Variants in DAB2IP observed in about 807,000 individuals in gnomAD.
The protein encoded by DAB2IP is DAB2 interacting protein, also known as disabled homolog 2-interacting protein.
In DAB2IP, 28 loss-of-function variants were observed where a neutral mutation model predicts 107.2. That is an observed-to-expected ratio of 0.26 (90% CI 0.19 to 0.36). The LOEUF (loss-of-function observed/expected upper bound fraction) is 0.36. Among genes scored for constraint, DAB2IP ranks in the 10% least tolerant of loss-of-function variants. The pLI, the probability that DAB2IP is intolerant of heterozygous loss-of-function variation, is 1.00. For synonymous variants in DAB2IP, 755 were observed against 706.4 expected (o/e 1.07, Z -1.09); for missense variants, 1,400 against 1,644.7 (o/e 0.85, Z 2.57).
chr9:121,768,348 C>CCTGCCATAGT, intron 9 of DAB2IP, 84 bp from the exon 10 acceptor site: 1 of 1,413,982 alleles, frequency 7.1e-7, no homozygotes, highest in Non-Finnish European at 1.0e-6. Flanking sequence ...GTGGGGAAAG[C>CCTGCCATAGT]GGGTGGTGGT....
chr9:121,759,573 G>A (rs1833737540), intron 5 of DAB2IP, among the ~76,000 whole-genome samples: 1 of 152,246 alleles, frequency 6.6e-6, no homozygotes, highest in African/African-American at 2.4e-5. Context: ...GACGTGTCAG[G>A]CGTTGTGCTG....
chr9:121,743,989 A>C (rs1192628582), intron 3 of DAB2IP, among the ~76,000 whole-genome samples: 1 of 152,234 alleles, frequency 6.6e-6, no homozygotes, highest in Non-Finnish European at 1.5e-5. Context: ...TTTTAAAATA[A>C]GAGGAAGCCC....
chr9:121,623,490 C>T (rs554196558), intron 1 of DAB2IP, among the ~76,000 whole-genome samples: 1 of 152,218 alleles, frequency 6.6e-6, no homozygotes, highest in South Asian at 2.1e-4. Context: ...CCTCAGCCTC[C>T]AGAGTAGCTG....
At chr9:121,705,269 G>A (rs994828556) in intron 3 of DAB2IP, among the ~76,000 whole-genome samples, 5 of 152,164 alleles carry the variant, frequency 3.3e-5, no homozygotes, top group Non-Finnish European at 7.4e-5. Context: ...TGTATGTGTT[G>A]CAAGTGTGCA....
rs180814759 is a variant in DAB2IP at position 121,696,590 on chromosome 9, G to A, written c.229-2735G>A. Among the ~76,000 whole-genome samples, 27 of 152,266 alleles carry A rather than the reference G, an allele frequency of 1.8e-4. 1 individual carries two copies. In the East Asian group the frequency reaches 4.2e-3, roughly 24 times the overall value. ...TGGCCCTCCACCCCCATGAAGGAGA[G>A]CAACAAGCTGTGTGGCTGGGCAGAG... On this transcript the variant is annotated intron_variant, in intron 2 of 15. Transcript: ENST00000408936.
chr9:121,638,526 G>A (rs1394968451), intron 1 of DAB2IP, among the ~76,000 whole-genome samples: 4 of 152,194 alleles, frequency 2.6e-5, no homozygotes, highest in African/African-American at 9.7e-5. Context: ...GCGGTGAATT[G>A]AGAGAGGGGA....
chr9:121,719,638 G>C (rs1428798529), intron 3 of DAB2IP, among the ~76,000 whole-genome samples: 1 of 152,198 alleles, frequency 6.6e-6, no homozygotes, highest in Non-Finnish European at 1.5e-5. Context: ...GTATGTGCCA[G>C]ATTAGACTGG....
At chr9:121,766,755 C>T (rs1220500369) in intron 9 of DAB2IP, 25 bp downstream of exon 9, 2 of 1,610,594 alleles carry the variant, frequency 1.2e-6, no homozygotes, top group Non-Finnish European at 8.5e-7. Flanking sequence ...CCTCACCAGG[C>T]AGAGTTGGGC....
intron 3 of DAB2IP, among the ~76,000 whole-genome samples, chr9:121,754,487 A>T (rs911807346): frequency 6.6e-6 from 1 of 152,072 alleles, no homozygotes; most frequent in Non-Finnish European, 1.5e-5. Context: ...GGCTGCAGGG[A>T]TGGATGCAGC....
At chr9:121,757,067 C>T in exon 4 of DAB2IP, 3 of 1,614,186 alleles carry the variant, frequency 1.9e-6, no homozygotes, top group Non-Finnish European at 2.5e-6. Context: ...CCCTGCTCAG[C>T]CCCAGCAGTG....
chr9:121,748,761 G>A (rs78724336), intron 3 of DAB2IP, among the ~76,000 whole-genome samples: 1 of 152,196 alleles, frequency 6.6e-6, no homozygotes, highest in Non-Finnish European at 1.5e-5. Context: ...GGGACACCAG[G>A]CCTCACAGCA....
At chr9:121,743,665 G>C (rs1468789591) in intron 3 of DAB2IP, among the ~76,000 whole-genome samples, 2 of 152,242 alleles carry the variant, frequency 1.3e-5, no homozygotes, top group Admixed American at 6.5e-5. Flanking sequence ...CAGCAGGAAG[G>C]CTCGCCCGGC....
At chr9:121,584,329 G>C (rs1830269239) in intron 1 of DAB2IP, among the ~76,000 whole-genome samples, 1 of 152,002 alleles carries the variant, frequency 6.6e-6, no homozygotes, top group African/African-American at 2.4e-5. Context: ...CTTGAGCCCA[G>C]GAATTTGAGG....
intron 1 of DAB2IP, among the ~76,000 whole-genome samples, chr9:121,591,579 T>A (rs1277765835): frequency 6.6e-6 from 1 of 151,788 alleles, no homozygotes; most frequent in African/African-American, 2.4e-5. Context: ...TGAACAGAAG[T>A]GAGGGTGATA....
At chr9:121,644,000 T>A (rs892098206) in intron 1 of DAB2IP, among the ~76,000 whole-genome samples, 4 of 152,126 alleles carry the variant, frequency 2.6e-5, no homozygotes, top group Non-Finnish European at 5.9e-5. Context: ...AGACTGTGTC[T>A]CTACCAAAAA....
intron 1 of DAB2IP, among the ~76,000 whole-genome samples, chr9:121,673,772 G>C (rs1470779668): frequency 6.6e-6 from 1 of 152,130 alleles, no homozygotes. Context: ...TGTCAGGTCA[G>C]GAGAGAGCCT....
At chr9:121,594,578 C>T (rs1468522091) in intron 1 of DAB2IP, among the ~76,000 whole-genome samples, 1 of 152,196 alleles carries the variant, frequency 6.6e-6, no homozygotes, top group Non-Finnish European at 1.5e-5. Flanking sequence ...GAAGACCAAG[C>T]AGTCAGTCCA....
chr9:121,613,640 G>A (rs965841134), intron 1 of DAB2IP, among the ~76,000 whole-genome samples: 1 of 152,160 alleles, frequency 6.6e-6, no homozygotes, highest in African/African-American at 2.4e-5. Flanking sequence ...ATCTTGTCGA[G>A]GATGTTGATG....
intron 2 of DAB2IP, among the ~76,000 whole-genome samples, chr9:121,686,075 G>C (rs1260983959): frequency 1.3e-5 from 2 of 152,222 alleles, no homozygotes; most frequent in Non-Finnish European, 2.9e-5. Flanking sequence ...GGCTAGGAGA[G>C]TCTGGAGCTC....
Sources: allele counts gnomAD v4.1 joint callset (sites outside exome capture counted in the v4.1 genomes callset), GRCh38; gene constraint gnomAD v4.1.1; transcripts MANE v1.5; gene names NCBI Gene and HGNC (gene_info 2026-07-23, HGNC 2026-07-21).